STK32B: variants seen among roughly 807,000 people sequenced by gnomAD.
STK32B encodes the protein serine/threonine-protein kinase 32B.
STK32B carries 43 observed loss-of-function variants against 52.6 expected under a neutral mutation model. That is an observed-to-expected ratio of 0.82 (90% CI 0.64 to 1.05). The LOEUF is 1.05. Ranked by LOEUF, STK32B falls within the 50% of genes least tolerant of loss-of-function variation. The pLI is 0.00. For missense variants in STK32B, 621 were observed against 534.6 expected (o/e 1.16, Z -1.59); for synonymous variants, 238 against 204.3 (o/e 1.17, Z -1.41).
At chr4:5,430,966 G>C (rs938140108) in intron 6 of STK32B, among the ~76,000 whole-genome samples, 3 of 152,216 alleles carry the variant, frequency 2.0e-5, no homozygotes, top group Admixed American at 2.0e-4. Flanking sequence ...TGATGTGGCA[G>C]AGGGTGGGGA....
At chr4:5,437,974 T>C (rs931144807) in intron 6 of STK32B, 1 of 985,550 alleles carries the variant, frequency 1.0e-6, no homozygotes, top group African/African-American at 1.7e-5. Flanking sequence ...TCTCTAGGAC[T>C]GCAGACATTT....
chr4:5,337,657 GA>G (rs1477781635), intron 4 of STK32B, among the ~76,000 whole-genome samples: 19 of 152,070 alleles, frequency 1.2e-4, no homozygotes, highest in African/African-American at 4.3e-4. Context: ...ACCTGGCCTT[GA>G]GAGATTTATT....
intron 5 of STK32B, among the ~76,000 whole-genome samples, chr4:5,401,307 C>T (rs1366760337): frequency 2.0e-5 from 3 of 152,098 alleles, no homozygotes; most frequent in East Asian, 3.9e-4. Context: ...TTTTACAAAC[C>T]AATAACTGTG....
At chr4:5,415,025 A>G (rs1477872204) in intron 5 of STK32B, among the ~76,000 whole-genome samples, 2 of 152,218 alleles carry the variant, frequency 1.3e-5, no homozygotes, top group African/African-American at 2.4e-5. Flanking sequence ...AGTGACTACA[A>G]CATACACTCA....
Position 5,394,524 on chromosome 4 carries a change from C to T in STK32B, c.435-3683C>T, listed in dbSNP as rs2109040969. 6.6e-6 allele frequency among the ~76,000 whole-genome samples: 1 copy of T among 152,236 alleles called. No individual in the cohort carries two copies. ...CCAAGTGATTCAGATTCTCCATCTC[C>T]TCCACGCTGCTTTGCAGGCATCTGC... On this transcript the variant is annotated intron_variant, in intron 4 of 11. Coordinates refer to ENST00000282908, the MANE Select transcript of STK32B (RefSeq NM_018401.3). This position sits in a 1 kb window ranked among gnomAD's most constrained non-coding sequence, Gnocchi z 4.2.
intron 1 of STK32B, among the ~76,000 whole-genome samples, chr4:5,107,738 C>T (rs1431668934): frequency 6.6e-6 from 1 of 152,014 alleles, no homozygotes; most frequent in Non-Finnish European, 1.5e-5. Flanking sequence ...TAAGTATTTC[C>T]CTTTATTGAC....
chr4:5,443,921 G>A (rs1157323035), intron 6 of STK32B, among the ~76,000 whole-genome samples: 1 of 152,214 alleles, frequency 6.6e-6, no homozygotes, highest in African/African-American at 2.4e-5. Context: ...TCGGTGGTCA[G>A]GGGTCAGGCA....
At chr4:5,391,022 A>G (rs563562603) in intron 4 of STK32B, among the ~76,000 whole-genome samples, 397 of 146,562 alleles carry the variant, frequency 2.7e-3, no homozygotes, top group African/African-American at 1.0e-2. Context: ...CTGGAGTGCA[A>G]TGGTGCGATC....
chr4:5,331,162 C>A, intron 3 of STK32B, 58 bp from the exon 4 acceptor site: 2 of 1,514,678 alleles, frequency 1.3e-6, no homozygotes, highest in Non-Finnish European at 1.8e-6. Flanking sequence ...AGGCATTGGT[C>A]TTGAGGGTGC....
intron 3 of STK32B, among the ~76,000 whole-genome samples, chr4:5,188,882 A>T (rs1720958065): frequency 6.7e-6 from 1 of 149,200 alleles, no homozygotes; most frequent in South Asian, 2.1e-4. Flanking sequence ...GGGCTGGGGG[A>T]GGAATAGCGT....
chr4:5,100,593 TCTTC>T (rs998072359), intron 1 of STK32B, among the ~76,000 whole-genome samples: 1 of 139,788 alleles, frequency 7.2e-6, no homozygotes, highest in Non-Finnish European at 1.5e-5. Flanking sequence ...CTCCCTCCCT[TCTTC>T]CTTTCTTCCT....
At chr4:5,461,808 T>G (rs3774817) in intron 9 of STK32B, among the ~76,000 whole-genome samples, 25,071 of 152,180 alleles carry the variant, frequency 0.16, 2,305 homozygotes, top group East Asian at 0.35. Flanking sequence ...CTGGACCTCC[T>G]TCTGCCCGCC....
At chr4:5,166,167 C>G (rs558334473) in intron 2 of STK32B, among the ~76,000 whole-genome samples, 1 of 152,018 alleles carries the variant, frequency 6.6e-6, no homozygotes, top group Non-Finnish European at 1.5e-5. Flanking sequence ...GAGAAAACCC[C>G]GAGTTCCTTC....
intron 1 of STK32B, among the ~76,000 whole-genome samples, chr4:5,060,994 T>G (rs1201794246): frequency 6.6e-6 from 1 of 152,202 alleles, no homozygotes; most frequent in African/African-American, 2.4e-5. Flanking sequence ...TCCGGCCATC[T>G]CTGTTTGTTG....
intron 3 of STK32B, among the ~76,000 whole-genome samples, chr4:5,246,106 T>G (rs962296107): frequency 2.6e-5 from 4 of 152,180 alleles, no homozygotes; most frequent in African/African-American, 4.8e-5. Context: ...TTTCCTGAAT[T>G]TGAATGTTGG....
chr4:5,021,634 G>A, the STK32B span, among the ~76,000 whole-genome samples: 12 of 152,382 alleles, frequency 7.9e-5, no homozygotes, highest in African/African-American at 2.2e-4. Context: ...AGACATTGCT[G>A]TGCTGGAAAA....
intron 6 of STK32B, among the ~76,000 whole-genome samples, chr4:5,431,245 T>C (rs1369439508): frequency 6.6e-6 from 1 of 152,180 alleles, no homozygotes; most frequent in Non-Finnish European, 1.5e-5. Flanking sequence ...TAGGGCCAGA[T>C]CATGTATTAC....
intron 2 of STK32B, among the ~76,000 whole-genome samples, chr4:5,161,894 A>G (rs902154886): frequency 2.7e-5 from 4 of 147,158 alleles, no homozygotes; most frequent in Admixed American, 2.0e-4. Context: ...AAGCATAACC[A>G]GCATCTTTTA....
chr4:5,131,285 A>G (rs1196031825), intron 1 of STK32B, among the ~76,000 whole-genome samples: 2 of 152,162 alleles, frequency 1.3e-5, no homozygotes, highest in African/African-American at 2.4e-5. Flanking sequence ...CATCTTTTCA[A>G]TCAGCTTTCG....
Sources: allele counts gnomAD v4.1 joint callset (sites outside exome capture counted in the v4.1 genomes callset), GRCh38; gene constraint gnomAD v4.1.1; non-coding constraint Gnocchi (gnomAD v3.1); transcripts MANE v1.5; gene names NCBI Gene and HGNC (gene_info 2026-07-23, HGNC 2026-07-21).